The following CNTNAP2 variants were observed in gnomAD, a reference collection of about 807,000 sequenced individuals.
CNTNAP2 encodes the protein contactin-associated protein-like 2.
A neutral mutation model predicts 155.2 loss-of-function variants in CNTNAP2; 98 were observed. The ratio of observed to expected loss-of-function variants is 0.63; its 90% CI spans 0.54 to 0.75. CNTNAP2 has a LOEUF of 0.75. CNTNAP2 is among the 30% of genes least tolerant of loss of function. The pLI is 0.00. For synonymous variants in CNTNAP2, 651 were observed against 631.2 expected, an observed-to-expected ratio of 1.03 and a Z score of -0.47; for missense variants, 1,727 against 1,688.1, an observed-to-expected ratio of 1.02 and a Z score of -0.40.
chr7:146,326,394 C>G (rs936138116), intron 1 of CNTNAP2, among the ~76,000 whole-genome samples: 1 of 152,172 alleles, frequency 6.6e-6, no homozygotes, highest in Non-Finnish European at 1.5e-5. Flanking sequence ...TATCTCTTTT[C>G]CTGAATGCTC....
intron 9 of CNTNAP2, among the ~76,000 whole-genome samples, chr7:147,329,035 T>C (rs1008633000): frequency 6.6e-6 from 1 of 152,142 alleles, no homozygotes; most frequent in African/African-American, 2.4e-5. Flanking sequence ...CCTCTCCTCA[T>C]CTGTCTCTAC....
chr7:146,969,267 C>A (rs1351867912), intron 3 of CNTNAP2, among the ~76,000 whole-genome samples: 1 of 151,876 alleles, frequency 6.6e-6, no homozygotes, highest in South Asian at 2.1e-4. Flanking sequence ...TGGTGTGGTG[C>A]TGAAAAAAAT....
chr7:146,986,599 G>T (rs1212553026), intron 3 of CNTNAP2, among the ~76,000 whole-genome samples: 1 of 152,144 alleles, frequency 6.6e-6, no homozygotes, highest in Non-Finnish European at 1.5e-5. Flanking sequence ...CACAGTGGTT[G>T]TACTTGTTTA....
chr7:146,815,432 A>C (rs2129194819), intron 2 of CNTNAP2, among the ~76,000 whole-genome samples: 1 of 152,236 alleles, frequency 6.6e-6, no homozygotes, highest in East Asian at 1.9e-4. Context: ...AATTTGACTT[A>C]ATGATCTCTA....
At chr7:148,102,794 A>G (rs1410906602) in intron 15 of CNTNAP2, among the ~76,000 whole-genome samples, 1 of 152,172 alleles carries the variant, frequency 6.6e-6, no homozygotes, top group East Asian at 1.9e-4. Flanking sequence ...TGCTGTGGTA[A>G]CCATTGTTGA....
intron 21 of CNTNAP2, among the ~76,000 whole-genome samples, chr7:148,358,358 G>A (rs76838387): frequency 0.038 from 5,778 of 152,264 alleles, 118 homozygotes; most frequent in African/African-American, 0.053. Context: ...GCAAGATGGC[G>A]GGCAGCCATG....
At chr7:147,595,794 G>A (rs1800816279) in intron 12 of CNTNAP2, among the ~76,000 whole-genome samples, 2 of 152,114 alleles carry the variant, frequency 1.3e-5, no homozygotes, top group Admixed American at 6.6e-5. Flanking sequence ...GGAGTAGAGA[G>A]GTTGGTGACT....
chr7:146,326,859 C>G (rs1265489138), intron 1 of CNTNAP2, among the ~76,000 whole-genome samples: 1 of 152,136 alleles, frequency 6.6e-6, no homozygotes, highest in Non-Finnish European at 1.5e-5. Context: ...ATTGGATGTT[C>G]AGTTCTTATG....
intron 21 of CNTNAP2, among the ~76,000 whole-genome samples, chr7:148,284,423 C>T (rs894456591): frequency 1.3e-5 from 2 of 151,974 alleles, no homozygotes; most frequent in Non-Finnish European, 2.9e-5. Context: ...TGAGGCCTCC[C>T]CAGCCATGTG....
intron 2 of CNTNAP2, among the ~76,000 whole-genome samples, chr7:146,810,119 T>C (rs1803036596): frequency 6.6e-6 from 1 of 152,156 alleles, no homozygotes; most frequent in South Asian, 2.1e-4. Flanking sequence ...TTCCTCATTG[T>C]GTATTATTAA....
chr7:147,632,289 T>C (rs1455957097), intron 12 of CNTNAP2, among the ~76,000 whole-genome samples: 1 of 151,988 alleles, frequency 6.6e-6, no homozygotes. Context: ...CCACCTGATA[T>C]GGTGGTTCGG....
chr7:146,194,012 C>G (rs1297162804), intron 1 of CNTNAP2, among the ~76,000 whole-genome samples: 4 of 152,224 alleles, frequency 2.6e-5, no homozygotes, highest in African/African-American at 9.6e-5. Context: ...TTCCTCATCT[C>G]CATCTGAGAC....
At chr7:146,727,647 CT>C (rs1293254131) in intron 1 of CNTNAP2, among the ~76,000 whole-genome samples, 1 of 152,190 alleles carries the variant, frequency 6.6e-6, no homozygotes, top group Non-Finnish European at 1.5e-5. Context: ...AGATCATTAA[CT>C]TACAGGGTCA....
At chr7:147,478,852 T>G (rs4726872) in intron 10 of CNTNAP2, among the ~76,000 whole-genome samples, 121,375 of 152,216 alleles carry the variant, frequency 0.8, 49,056 homozygotes, top group African/African-American at 0.94. Flanking sequence ...AAATTTTGCA[T>G]AACAATGTGC....
intron 13 of CNTNAP2, among the ~76,000 whole-genome samples, chr7:147,723,089 A>G (rs1034571057): frequency 6.6e-6 from 1 of 152,068 alleles, no homozygotes; most frequent in Non-Finnish European, 1.5e-5. Flanking sequence ...TGACTTCTCA[A>G]ACTTTCCACA....
chr7:147,793,427 T>G (rs972381752), intron 13 of CNTNAP2, among the ~76,000 whole-genome samples: 11 of 152,098 alleles, frequency 7.2e-5, no homozygotes, highest in African/African-American at 2.7e-4. Context: ...GCAGCTTCAT[T>G]TATTGAAAAA....
chr7:146,763,567 C>T (rs566342498), intron 1 of CNTNAP2, among the ~76,000 whole-genome samples: 8 of 152,082 alleles, frequency 5.3e-5, no homozygotes, highest in Non-Finnish European at 8.8e-5. Context: ...TTGCACTCAG[C>T]GTCACTGGGT....
chr7:148,262,698 C>G (rs1796586000), intron 20 of CNTNAP2, among the ~76,000 whole-genome samples: 1 of 152,138 alleles, frequency 6.6e-6, no homozygotes, highest in African/African-American at 2.4e-5. Flanking sequence ...CCCCTATTAT[C>G]TTAATCACAT....
intron 3 of CNTNAP2, among the ~76,000 whole-genome samples, chr7:146,955,835 G>T (rs1270233004): frequency 2.0e-5 from 3 of 151,938 alleles, no homozygotes; most frequent in Non-Finnish European, 2.9e-5. Context: ...ATTCTGATAG[G>T]TTTGTCATCA....
Sources: gnomAD v4.1 joint callset for allele counts (sites outside exome capture counted in the v4.1 genomes callset) on GRCh38, gnomAD v4.1.1 for gene constraint, MANE v1.5 for transcripts, NCBI Gene and HGNC (gene_info 2026-07-23, HGNC 2026-07-21) for gene names.